UBE4B: variants seen among roughly 807,000 people sequenced by gnomAD.
UBE4B encodes ubiquitin conjugation factor E4 B.
Under a neutral mutation model 148.1 loss-of-function variants are expected in UBE4B, and 27 were observed. The ratio of observed to expected loss-of-function variants is 0.18; its 90% CI spans 0.13 to 0.25. The LOEUF (loss-of-function observed/expected upper bound fraction) is 0.25. Ranked by LOEUF, UBE4B falls within the 10% of genes least tolerant of loss-of-function variation. The pLI is 1.00. For missense variants in UBE4B, 1,170 were observed against 1,662.4 expected, an observed-to-expected ratio of 0.70 and a Z score of 5.15; for synonymous variants, 596 against 619.3, an observed-to-expected ratio of 0.96 and a Z score of 0.56.
At chr1:10,045,627 C>T (rs754768060) in intron 1 of UBE4B, among the ~76,000 whole-genome samples, 8 of 152,068 alleles carry the variant, frequency 5.3e-5, no homozygotes, top group Non-Finnish European at 8.8e-5. Context: ...AAATCTCTGC[C>T]CTCCTGGGCA....
chr1:10,147,134 G>C, intron 19 of UBE4B, 44 bp downstream of exon 19: 1 of 1,612,114 alleles, frequency 6.2e-7, no homozygotes, highest in Non-Finnish European at 8.5e-7. Flanking sequence ...CCTTGGCTGG[G>C]CTCTGTTGTC....
At position 10,056,229 on chromosome 1, in the gene UBE4B, C is replaced by T. The variant is rs184718487; in HGVS notation, c.25-15799C>T. Among the ~76,000 whole-genome samples the T allele has an allele frequency of 2.0e-5, 3 of 152,270 alleles. No homozygotes were observed. The East Asian group carries it at 5.8e-4, about 29-fold the overall frequency. Reference sequence around the variant, plus strand: ...TGCTCCTAATTTCACAATTAGATGACACGTGAGATGCTTTTTAGTGCTTTT... The same window carrying T: ...TGCTCCTAATTTCACAATTAGATGATACGTGAGATGCTTTTTAGTGCTTTT... On this transcript the variant is annotated intron_variant, in intron 1 of 27. Coordinates refer to ENST00000343090, the MANE Select transcript of UBE4B (RefSeq NM_001105562.3).
intron 1 of UBE4B, among the ~76,000 whole-genome samples, chr1:10,052,612 T>G (rs1644073339): frequency 6.6e-6 from 1 of 152,220 alleles, no homozygotes; most frequent in Non-Finnish European, 1.5e-5. Flanking sequence ...CACGCTTGGT[T>G]TAATGCTCTG....
At chr1:10,090,791 ATTTG>A (rs1557543781) in intron 2 of UBE4B, among the ~76,000 whole-genome samples, 2 of 108,228 alleles carry the variant, frequency 1.8e-5, no homozygotes, top group Admixed American at 1.8e-4. Flanking sequence ...AAGCCTATGC[ATTTG>A]TGTGTGTGTG....
intron 7 of UBE4B, among the ~76,000 whole-genome samples, chr1:10,115,064 A>G (rs1176260358): frequency 1.8e-4 from 28 of 151,562 alleles, no homozygotes; most frequent in Admixed American, 1.8e-3. Flanking sequence ...GGCCTATGTT[A>G]TAGGTTGTTG....
At chr1:10,092,828 C>CA (rs1182411605) in intron 2 of UBE4B, among the ~76,000 whole-genome samples, 1,433 of 137,440 alleles carry the variant, frequency 0.01, 32 homozygotes, top group African/African-American at 0.034. Context: ...AACTCTATCT[C>CA]AAAAAAAAAA....
chr1:10,078,781 A>T (rs1029119367), intron 2 of UBE4B, among the ~76,000 whole-genome samples: 2 of 152,080 alleles, frequency 1.3e-5, no homozygotes, highest in African/African-American at 4.8e-5. Context: ...CTAGTGGAAT[A>T]GGTCTTCCAG....
At chr1:10,100,974 G>A (rs1645001273) in intron 3 of UBE4B, 134 bp from the exon 4 acceptor site, 1 of 709,186 alleles carries the variant, frequency 1.4e-6, no homozygotes, top group Admixed American at 3.0e-5. Context: ...AAATTAATAA[G>A]AAAAAAGATG....
chr1:10,101,056 A>G (rs1645002295), intron 3 of UBE4B, 52 bp from the exon 4 acceptor site: 2 of 1,517,496 alleles, frequency 1.3e-6, no homozygotes, highest in Non-Finnish European at 1.8e-6. Flanking sequence ...CTACAGTGAC[A>G]TTGTGCGGAT....
intron 2 of UBE4B, among the ~76,000 whole-genome samples, chr1:10,083,874 A>G (rs1045788504): frequency 6.6e-6 from 1 of 152,180 alleles, no homozygotes; most frequent in African/African-American, 2.4e-5. Flanking sequence ...ATCTTACAGC[A>G]TTATTCCTAG....
At chr1:10,052,239 TA>T (rs1644062893) in intron 1 of UBE4B, among the ~76,000 whole-genome samples, 1 of 151,896 alleles carries the variant, frequency 6.6e-6, no homozygotes, top group South Asian at 2.1e-4. Flanking sequence ...GCTGATTTTT[TA>T]ATTTTTTTTT....
At chr1:10,153,490 TAAAAAAAAAAA>T (rs1045427991) in intron 21 of UBE4B, among the ~76,000 whole-genome samples, 7 of 49,216 alleles carry the variant, frequency 1.4e-4, no homozygotes, top group South Asian at 8.1e-4. Context: ...ACCCTGTTTC[TAAAAAAAAAAA>T]AAAAAAAAAA....
chr1:10,053,116 G>A (rs1044018213), intron 1 of UBE4B, among the ~76,000 whole-genome samples: 1 of 152,068 alleles, frequency 6.6e-6, no homozygotes, highest in African/African-American at 2.4e-5. Context: ...TGGGACCACA[G>A]GTGTTTACAA....
intron 21 of UBE4B, among the ~76,000 whole-genome samples, chr1:10,153,490 T>TAAAAAAAA (rs1045427991): frequency 2.4e-4 from 12 of 49,214 alleles, no homozygotes; most frequent in African/African-American, 9.5e-4. Context: ...ACCCTGTTTC[T>TAAAAAAAA]AAAAAAAAAA....
intron 1 of UBE4B, among the ~76,000 whole-genome samples, chr1:10,050,282 G>A (rs1240526095): frequency 6.6e-6 from 1 of 152,224 alleles, no homozygotes; most frequent in Admixed American, 6.5e-5. Flanking sequence ...ATGTTGGTCA[G>A]GCTGGTCTTG....
intron 1 of UBE4B, chr1:10,054,496 T>C: frequency 2.3e-6 from 1 of 428,630 alleles, no homozygotes; most frequent in South Asian, 2.0e-5. Context: ...TTCCCATTGG[T>C]TCTCACACAG....
intron 7 of UBE4B, chr1:10,107,212 G>C (rs1228846677): frequency 7.8e-7 from 1 of 1,287,902 alleles, no homozygotes; most frequent in Non-Finnish European, 1.0e-6. Context: ...TTTTGCTTTT[G>C]TTGTGGTAGT....
At chr1:10,035,563 G>GT (rs918614653) in intron 1 of UBE4B, among the ~76,000 whole-genome samples, 27 of 142,584 alleles carry the variant, frequency 1.9e-4, no homozygotes, top group Non-Finnish European at 3.8e-4. Context: ...CTCCCGGCTA[G>GT]TTTTTTGTAT....
chr1:10,063,271 A>G (rs1031884272), intron 1 of UBE4B, among the ~76,000 whole-genome samples: 4 of 152,214 alleles, frequency 2.6e-5, no homozygotes, highest in African/African-American at 9.6e-5. Flanking sequence ...CCCTATCTCA[A>G]AAAAACAAAA....
Sources: allele counts gnomAD v4.1 joint callset (sites outside exome capture counted in the v4.1 genomes callset), GRCh38; gene constraint gnomAD v4.1.1; transcripts MANE v1.5; gene names NCBI Gene and HGNC (gene_info 2026-07-23, HGNC 2026-07-21).